Variants in COBLL1 observed in about 807,000 individuals in gnomAD.
The protein encoded by COBLL1 is cordon-bleu WH2 repeat protein like 1, also known as cordon-bleu protein-like 1.
COBLL1 carries 50 observed loss-of-function variants against 94.8 expected under a neutral mutation model. That is an observed-to-expected ratio of 0.53 (90% CI 0.42 to 0.67). The LOEUF is 0.67. Ranked by LOEUF, COBLL1 falls within the 30% of genes least tolerant of loss-of-function variation. The probability of loss-of-function intolerance (pLI) is 0.00; values close to 1 mark genes in which losing one functional copy is unlikely to be tolerated. For synonymous variants in COBLL1, 448 were observed against 473.8 expected (o/e 0.95, Z 0.71); for missense variants, 1,362 against 1,348.7 (o/e 1.01, Z -0.15).
intron 2 of COBLL1, among the ~76,000 whole-genome samples, chr2:164,762,697 T>C (rs940277557): frequency 1.3e-5 from 1 of 76,048 alleles, no homozygotes; most frequent in African/African-American, 8.1e-5. Context: ...CCTATCATCC[T>C]TTTTTTTTTT....
chr2:164,726,489 T>C (rs1685729145), intron 5 of COBLL1, among the ~76,000 whole-genome samples: 2 of 152,114 alleles, frequency 1.3e-5, no homozygotes, highest in African/African-American at 2.4e-5. Context: ...CATTATATAA[T>C]TCTGTATTAT....
Position 164,682,908 on chromosome 2 carries a change from T to C in COBLL1, c.*3038A>G, listed in dbSNP as rs1361881790. ...AACAGAAATACGATCGATCTGTATG[T>C]GTAAAAAGAAAAGCTCTTCCAGAAC... On this transcript the variant is annotated 3_prime_UTR_variant, in exon 14 of 14. Transcript: ENST00000652658. 1 of 151,836 alleles carries C rather than the reference T, an allele frequency of 6.6e-6. No individual in the cohort carries two copies. The highest frequency in any genetic ancestry group is 2.4e-5 in the African/African-American group (1 of 41,330). 9.4% of individuals were successfully genotyped at this position (151,836 alleles called of 1,614,324 possible).
chr2:164,831,994 C>T (rs902924445), intron 2 of COBLL1, among the ~76,000 whole-genome samples: 4 of 152,146 alleles, frequency 2.6e-5, no homozygotes, highest in Non-Finnish European at 4.4e-5. Context: ...TAGTCATTTT[C>T]CTGTTTAGCA....
In COBLL1 at chr2:164,694,293, G is replaced by T; in HGVS notation, c.3099C>A (p.Ile1033=). ...KTHSVNKFVD[I]PQLGVSDKEN... ...CCTTATCAGACACACCAAGCTGTGG[G>T]ATGTCCACAAATTTATTTACAGAAT... Residue 1033 remains isoleucine, a synonymous_variant, in exon 12 of 14, where the codon ATC becomes ATA. Transcript: ENST00000652658. 6.2e-7 allele frequency: 1 copy of T among 1,613,682 alleles called. No homozygotes were observed. Among genetic ancestry groups the T allele is most frequent in the Non-Finnish European group, 8.5e-7 (1 of 1,179,730 alleles).
Position 164,837,371 on chromosome 2 carries a change from T to C in COBLL1, c.41+3785A>G, listed in dbSNP as rs146743459. 8.5e-4 allele frequency: 369 copies of C among 434,326 alleles called. 1 individual carries two copies. The highest frequency in any genetic ancestry group is 6.2e-3 in the African/African-American group (299 of 47,908). 26.9% of individuals were successfully genotyped at this position (434,326 alleles called of 1,614,324 possible). A position where few individuals can be genotyped will look rare whatever the true frequency, so the allele number is the denominator to read the frequency against. ...TTAATGTCACTTTACTAAGTACTAA[T>C]ATAGAAAACTTAAATAAATTTACTA... On this transcript the variant is annotated intron_variant, in intron 2 of 13. Coordinates refer to ENST00000652658, the MANE Select transcript of COBLL1 (RefSeq NM_001365672.2).
chr2:164,818,305 TAC>T (rs1295827207), intron 2 of COBLL1, among the ~76,000 whole-genome samples: 1 of 149,490 alleles, frequency 6.7e-6, no homozygotes. Context: ...TACATATGTA[TAC>T]ATATACACGT....
intron 6 of COBLL1, 52 bp from the exon 7 acceptor site, chr2:164,722,363 A>C (rs934609511): frequency 9.2e-6 from 14 of 1,513,806 alleles, no homozygotes; most frequent in Non-Finnish European, 1.3e-5. Flanking sequence ...TATTAGTAAA[A>C]AGCATTAGTA....
chr2:164,722,167 C>A lies in COBLL1; in HGVS notation c.904G>T (p.Ala302Ser). ...AGGTCTTGGGGGACACTCTGAGATG[C>A]TGGCATCGGGGGCAGTGGAGCCCGC... The part of the protein sequence containing the change: ...KRRAPLPPMP[A>S]SQSVPQDLAH... Residue 302 changes from alanine to serine, a missense_variant, in exon 7 of 14, where the codon GCA becomes TCA. Physicochemically the swap from Ala to Ser is moderately conservative, Grantham distance 99. Coordinates refer to ENST00000652658, the MANE Select transcript of COBLL1 (RefSeq NM_001365672.2). 6.2e-7 allele frequency: 1 copy of A among 1,614,108 alleles called. No homozygotes were observed. The highest frequency in any genetic ancestry group is 8.5e-7 in the Non-Finnish European group (1 of 1,179,988).
At chr2:164,779,315 G>C (rs1293700744) in intron 2 of COBLL1, among the ~76,000 whole-genome samples, 1 of 152,074 alleles carries the variant, frequency 6.6e-6, no homozygotes, top group Non-Finnish European at 1.5e-5. Flanking sequence ...CACCATCTTT[G>C]CCTGGGAAAT....
intron 2 of COBLL1, among the ~76,000 whole-genome samples, chr2:164,830,170 T>C (rs566475568): frequency 1.8e-4 from 28 of 152,362 alleles, no homozygotes; most frequent in Admixed American, 1.8e-3. Flanking sequence ...TACTTCTTGG[T>C]GCCCCAAGGC....
At chr2:164,833,144 G>A (rs1006805232) in intron 2 of COBLL1, among the ~76,000 whole-genome samples, 1 of 151,996 alleles carries the variant, frequency 6.6e-6, no homozygotes, top group Non-Finnish European at 1.5e-5. Flanking sequence ...GAGGCGAGAG[G>A]ATCTCTTGAG....
chr2:164,742,311 C>T (rs763863345), intron 3 of COBLL1, among the ~76,000 whole-genome samples: 4 of 151,486 alleles, frequency 2.6e-5, no homozygotes, highest in Non-Finnish European at 5.9e-5. Context: ...ACCAACATCA[C>T]CTGAAACCCT....
At position 164,694,510 on chromosome 2, in the gene COBLL1, C is replaced by T. The variant is rs1683794996; in HGVS notation, c.2882G>A (p.Ser961Asn). 6.2e-7 allele frequency: 1 copy of T among 1,613,974 alleles called. No homozygotes were observed. The highest frequency in any genetic ancestry group is 8.5e-7 in the Non-Finnish European group (1 of 1,179,940). ...CTTCAGATTTTGTGTGGATACCTGA[C>T]TAGCAGGAATTGTCACAGGTTTTGG... ...IAPKPVTIPA[S>N]QVSTQNLKTL... The change falls in exon 12 of 14, where the codon AGT (serine) becomes AAT (asparagine). Residue 961 changes from serine (S) to asparagine (N), a missense_variant. Ser to Asn is a conservative substitution (Grantham distance 46). Coordinates refer to ENST00000652658, the MANE Select transcript of COBLL1 (RefSeq NM_001365672.2).
intron 2 of COBLL1, among the ~76,000 whole-genome samples, chr2:164,811,804 CA>C (rs1344890354): frequency 6.6e-6 from 1 of 151,342 alleles, no homozygotes; most frequent in Non-Finnish European, 1.5e-5. Context: ...AAAAGTTCAC[CA>C]AAAAAGAAAA....
rs1428293511 is a variant in COBLL1 at position 164,692,293 on chromosome 2, A to C, written c.3228T>G (p.Ser1076=). 3 of 1,613,538 alleles carry C rather than the reference A, an allele frequency of 1.9e-6. No homozygotes were observed. Among genetic ancestry groups the C allele is most frequent in the Non-Finnish European group, 1.7e-6 (2 of 1,179,678 alleles). Residue 1076 remains serine (S), a synonymous_variant, in exon 13 of 14, where the codon TCT becomes TCG. Coordinates refer to ENST00000652658, the MANE Select transcript of COBLL1 (RefSeq NM_001365672.2). ...AACTCTGTCGCATCTGTTCTGGGTC[A>C]GAGCTTTGGAATGTTAAAGAACTTT... The part of the protein sequence containing the change: ...MRQSSLTFQS[S]DPEQMRQSLL...
At chr2:164,805,680 C>T (rs1482112454) in intron 2 of COBLL1, among the ~76,000 whole-genome samples, 3 of 151,828 alleles carry the variant, frequency 2.0e-5, no homozygotes, top group African/African-American at 7.3e-5. Context: ...TTTCTTTTAT[C>T]GTGAATATTT....
intron 2 of COBLL1, among the ~76,000 whole-genome samples, chr2:164,785,804 G>A (rs1400049859): frequency 6.6e-6 from 1 of 151,922 alleles, no homozygotes; most frequent in Non-Finnish European, 1.5e-5. Context: ...AAAGACATCA[G>A]AGGCTTATTC....
chr2:164,788,884 G>A (rs1329513290), intron 2 of COBLL1, among the ~76,000 whole-genome samples: 1 of 151,314 alleles, frequency 6.6e-6, no homozygotes, highest in Non-Finnish European at 1.5e-5. Flanking sequence ...TTCAAGAGAT[G>A]TACAGAGTAG....
At chr2:164,718,154 G>T in intron 7 of COBLL1, 1 of 545,832 alleles carries the variant, frequency 1.8e-6, no homozygotes, top group Non-Finnish European at 2.3e-6. Flanking sequence ...ACTATACCTG[G>T]CTATGAAAGC....
Sources: gnomAD v4.1 joint callset for allele counts (sites outside exome capture counted in the v4.1 genomes callset) on GRCh38, gnomAD v4.1.1 for gene constraint, MANE v1.5 for transcripts, NCBI Gene and HGNC (gene_info 2026-07-23, HGNC 2026-07-21) for gene names.